Variants in ST6GALNAC3 observed in about 807,000 individuals in gnomAD.
ST6GALNAC3 encodes the protein alpha-N-acetylgalactosaminide alpha-2,6-sialyltransferase 3.
In ST6GALNAC3, 25 loss-of-function variants were observed where a neutral mutation model predicts 32.7. The observed-to-expected ratio is 0.76, with a 90% CI of 0.56 to 1.07. ST6GALNAC3 has a LOEUF of 1.07. Among genes scored for constraint, ST6GALNAC3 ranks in the 50% least tolerant of loss-of-function variants. ST6GALNAC3 has a pLI of 0.00. For missense variants in ST6GALNAC3, 355 were observed against 382.4 expected, an observed-to-expected ratio of 0.93 and a Z score of 0.60; for synonymous variants, 129 against 133.1, an observed-to-expected ratio of 0.97 and a Z score of 0.21.
intron 3 of ST6GALNAC3, among the ~76,000 whole-genome samples, chr1:76,434,773 T>A (rs1329179563): frequency 6.6e-6 from 1 of 150,944 alleles, no homozygotes; most frequent in Non-Finnish European, 1.5e-5. Context: ...TTACTGCCTT[T>A]TTTTTTCTCT....
intron 1 of ST6GALNAC3, among the ~76,000 whole-genome samples, chr1:76,125,116 A>G (rs543403781): frequency 3.3e-5 from 5 of 152,196 alleles, no homozygotes; most frequent in African/African-American, 9.6e-5. Context: ...CCTATGTGGC[A>G]TGTGTTTGTA....
intron 1 of ST6GALNAC3, among the ~76,000 whole-genome samples, chr1:76,208,673 C>T (rs1385520439): frequency 1.3e-5 from 2 of 152,050 alleles, no homozygotes; most frequent in South Asian, 2.1e-4. Context: ...AAAGGTGGGG[C>T]GAGCAGGAAT....
At chr1:76,391,928 A>G (rs1187948498) in intron 2 of ST6GALNAC3, among the ~76,000 whole-genome samples, 1 of 152,198 alleles carries the variant, frequency 6.6e-6, no homozygotes, top group Non-Finnish European at 1.5e-5. Context: ...GCGCTTATGT[A>G]GCTTATTTTC....
At position 76,627,433 on chromosome 1, in the gene ST6GALNAC3, T is replaced by G. The variant is rs1649038430; in HGVS notation, c.624-19T>G. ...TGTGTTTTGTTCTGTTTGTTATTGT[T>G]TGTTTTCATTTCCCTCAGAGTCCAG... On this transcript the variant is annotated intron_variant, in intron 3 of 4. Transcript: ENST00000328299. 1 of 1,516,110 alleles carries G rather than the reference T, an allele frequency of 6.6e-7. No homozygotes were observed. Among genetic ancestry groups the G allele is most frequent in the African/African-American group, 1.4e-5 (1 of 72,200 alleles). The allele number at this position is 1,516,110 out of a possible 1,614,324, so 93.9% of individuals were successfully genotyped here.
At chr1:76,407,876 A>G (rs1484784565) in intron 2 of ST6GALNAC3, among the ~76,000 whole-genome samples, 1 of 152,090 alleles carries the variant, frequency 6.6e-6, no homozygotes, top group Non-Finnish European at 1.5e-5. Flanking sequence ...ATAAATTTTC[A>G]AGCAAAGCCC....
chr1:76,394,612 A>T (rs1472771774), intron 2 of ST6GALNAC3, among the ~76,000 whole-genome samples: 4 of 152,236 alleles, frequency 2.6e-5, no homozygotes, highest in African/African-American at 9.6e-5. Flanking sequence ...TTTCAAGCCT[A>T]AAACTTTACA....
intron 1 of ST6GALNAC3, among the ~76,000 whole-genome samples, chr1:76,104,779 G>A (rs1448451594): frequency 1.3e-5 from 2 of 152,148 alleles, no homozygotes; most frequent in African/African-American, 4.8e-5. Flanking sequence ...TGGACTTACA[G>A]TTCCACAGGG....
At chr1:76,490,254 C>G (rs1466198169) in intron 3 of ST6GALNAC3, among the ~76,000 whole-genome samples, 1 of 151,992 alleles carries the variant, frequency 6.6e-6, no homozygotes, top group Non-Finnish European at 1.5e-5. Flanking sequence ...AGATTCCTCT[C>G]CTGACTCTCC....
chr1:76,569,488 G>A (rs367208), intron 3 of ST6GALNAC3, among the ~76,000 whole-genome samples: 31,570 of 151,862 alleles, frequency 0.21, 4,712 homozygotes, highest in African/African-American at 0.43. Flanking sequence ...CAAGATGCCT[G>A]GGCAAATCAA....
chr1:76,182,040 C>T (rs1653214488), intron 1 of ST6GALNAC3, among the ~76,000 whole-genome samples: 1 of 152,160 alleles, frequency 6.6e-6, no homozygotes, highest in African/African-American at 2.4e-5. Context: ...GTGTTATCAG[C>T]AAACCCTACT....
At chr1:76,181,300 A>T (rs1328680045) in intron 1 of ST6GALNAC3, among the ~76,000 whole-genome samples, 1 of 152,226 alleles carries the variant, frequency 6.6e-6, no homozygotes, top group Non-Finnish European at 1.5e-5. Flanking sequence ...GGAATCCAGG[A>T]ACTGGCTTTA....
intron 2 of ST6GALNAC3, among the ~76,000 whole-genome samples, chr1:76,372,088 C>A (rs1240964974): frequency 6.6e-6 from 1 of 151,996 alleles, no homozygotes; most frequent in Non-Finnish European, 1.5e-5. Flanking sequence ...AGAACACACA[C>A]AAAAAAGTGT....
intron 3 of ST6GALNAC3, among the ~76,000 whole-genome samples, chr1:76,546,795 G>A (rs1557555692): frequency 6.6e-6 from 1 of 152,200 alleles, no homozygotes; most frequent in Non-Finnish European, 1.5e-5. Flanking sequence ...AGAAGGGCAC[G>A]GAATAACAGT....
intron 1 of ST6GALNAC3, among the ~76,000 whole-genome samples, chr1:76,087,342 G>A (rs1412963589): frequency 6.6e-6 from 1 of 152,190 alleles, no homozygotes; most frequent in East Asian, 1.9e-4. Flanking sequence ...AGGTTAAAGG[G>A]ATCTGGGTTT....
At chr1:76,467,183 G>A (rs533054526) in intron 3 of ST6GALNAC3, among the ~76,000 whole-genome samples, 37 of 152,026 alleles carry the variant, frequency 2.4e-4, no homozygotes, top group South Asian at 1.2e-3. Flanking sequence ...GTTCTTTTGG[G>A]GATTTTTAAT....
chr1:76,500,628 G>A (rs1661122156), intron 3 of ST6GALNAC3, among the ~76,000 whole-genome samples: 1 of 152,106 alleles, frequency 6.6e-6, no homozygotes, highest in African/African-American at 2.4e-5. Flanking sequence ...ACCACAATAG[G>A]TATACAAACT....
At chr1:76,616,796 T>C (rs1293531431) in intron 3 of ST6GALNAC3, among the ~76,000 whole-genome samples, 2 of 152,180 alleles carry the variant, frequency 1.3e-5, no homozygotes, top group Non-Finnish European at 2.9e-5. Context: ...GATTTTCCTA[T>C]TGAAAATAAA....
intron 3 of ST6GALNAC3, among the ~76,000 whole-genome samples, chr1:76,627,084 C>G (rs895321392): frequency 6.6e-6 from 1 of 151,860 alleles, no homozygotes; most frequent in East Asian, 1.9e-4. Context: ...GGGCTCCAAG[C>G]AACTTTAAGA....
At chr1:76,345,102 A>G (rs1321256787) in intron 2 of ST6GALNAC3, among the ~76,000 whole-genome samples, 1 of 152,096 alleles carries the variant, frequency 6.6e-6, no homozygotes, top group Non-Finnish European at 1.5e-5. Flanking sequence ...CCTCTTTGTC[A>G]CCATGAGGCC....
Sources: gnomAD v4.1 joint callset for allele counts (sites outside exome capture counted in the v4.1 genomes callset) on GRCh38, gnomAD v4.1.1 for gene constraint, MANE v1.5 for transcripts, NCBI Gene and HGNC (gene_info 2026-07-23, HGNC 2026-07-21) for gene names.